SPAG16: variants seen among roughly 807,000 people sequenced by gnomAD.
SPAG16 encodes the protein sperm-associated antigen 16 protein.
Under a neutral mutation model 80.4 loss-of-function variants are expected in SPAG16, and 86 were observed. The ratio of observed to expected loss-of-function variants is 1.07; its 90% CI spans 0.90 to 1.28. SPAG16 has a LOEUF of 1.28. Among genes scored for constraint, SPAG16 ranks in the 50% most tolerant of loss-of-function variants. The pLI, the probability that SPAG16 is intolerant of heterozygous loss-of-function variation, is 0.00. For synonymous variants in SPAG16, 294 were observed against 265.9 expected, an observed-to-expected ratio of 1.11 and a Z score of -1.03; for missense variants, 870 against 765.3, an observed-to-expected ratio of 1.14 and a Z score of -1.61.
chr2:214,185,412 C>CA (rs1464943412), intron 15 of SPAG16, among the ~76,000 whole-genome samples: 5 of 151,558 alleles, frequency 3.3e-5, no homozygotes, highest in African/African-American at 1.2e-4. Flanking sequence ...TAATTTGGAC[C>CA]AAAATAAGAA....
At chr2:213,646,090 G>A (rs1202131360) in intron 10 of SPAG16, among the ~76,000 whole-genome samples, 2 of 152,194 alleles carry the variant, frequency 1.3e-5, no homozygotes, top group Non-Finnish European at 2.9e-5. Flanking sequence ...TCTGCCTAGA[G>A]ATGCTCTGGG....
intron 15 of SPAG16, among the ~76,000 whole-genome samples, chr2:214,273,810 C>A (rs972409872): frequency 6.6e-6 from 1 of 152,052 alleles, no homozygotes; most frequent in South Asian, 2.1e-4. Context: ...AAATTTAAAG[C>A]AGTTTTTTCC....
chr2:213,648,508 C>A (rs906061249), intron 10 of SPAG16, among the ~76,000 whole-genome samples: 1 of 152,068 alleles, frequency 6.6e-6, no homozygotes, highest in Admixed American at 6.6e-5. Flanking sequence ...TATACAAATT[C>A]ATTGTAAAAC....
chr2:214,073,451 G>C lies in SPAG16; in HGVS notation c.1528-34745G>C, dbSNP rs533492970. On this transcript the variant is annotated intron_variant, in intron 13 of 15. Coordinates refer to ENST00000331683, the MANE Select transcript of SPAG16 (RefSeq NM_024532.5). Reference sequence around the variant, plus strand: ...GGGGTTTCACCATGTTGGCCAGGATGGTCTCGATCTCCTGAGCTCATGATT... The same window carrying C: ...GGGGTTTCACCATGTTGGCCAGGATCGTCTCGATCTCCTGAGCTCATGATT... Among the ~76,000 whole-genome samples, 4 of 151,990 alleles carry C rather than the reference G, an allele frequency of 2.6e-5. No homozygotes were observed. The South Asian group carries it at 8.3e-4, about 32-fold the overall frequency.
chr2:213,406,197 T>C (rs1212372265), intron 9 of SPAG16, among the ~76,000 whole-genome samples: 1 of 152,216 alleles, frequency 6.6e-6, no homozygotes, highest in Non-Finnish European at 1.5e-5. Flanking sequence ...AGCTTTGTAG[T>C]AGAAGAAATG....
intron 5 of SPAG16, among the ~76,000 whole-genome samples, chr2:213,325,831 A>G (rs1406427062): frequency 6.6e-6 from 1 of 151,950 alleles, no homozygotes. Flanking sequence ...TCAGTTCCAT[A>G]TAATAGAGAC....
At position 214,377,685 on chromosome 2, in the gene SPAG16, T is replaced by A. The variant is rs150199287; in HGVS notation, c.1721-32455T>A. Among the ~76,000 whole-genome samples, 121 of 152,238 alleles carry A rather than the reference T, an allele frequency of 7.9e-4. 3 individuals are homozygous for A. The South Asian group carries it at 0.014, about 18-fold the overall frequency. ...GGTAGTCAAAAGTTAAGTGTGGAAT[T>A]TTCAACTGTATGGGGTCAGCACCCC... is the stretch of plus-strand genomic sequence containing the variant. On this transcript the variant is annotated intron_variant, in intron 15 of 15. Coordinates refer to ENST00000331683, the MANE Select transcript of SPAG16 (RefSeq NM_024532.5).
chr2:214,274,553 A>G (rs1286611557), intron 15 of SPAG16, among the ~76,000 whole-genome samples: 1 of 152,142 alleles, frequency 6.6e-6, no homozygotes, highest in Non-Finnish European at 1.5e-5. Flanking sequence ...TATTGAGGTA[A>G]TCATATGGTT....
chr2:213,834,260 C>G (rs1049491154), intron 10 of SPAG16, among the ~76,000 whole-genome samples: 1 of 152,074 alleles, frequency 6.6e-6, no homozygotes, highest in African/African-American at 2.4e-5. Context: ...CAGACTAATA[C>G]AACAGTTTAG....
intron 9 of SPAG16, among the ~76,000 whole-genome samples, chr2:213,446,935 G>A (rs917823211): frequency 6.6e-5 from 10 of 152,100 alleles, no homozygotes; most frequent in African/African-American, 2.4e-4. Context: ...TTTGGTCTCC[G>A]GCCTCTCCCT....
chr2:214,118,211 A>G (rs1308415450), intron 14 of SPAG16, among the ~76,000 whole-genome samples: 2 of 152,216 alleles, frequency 1.3e-5, no homozygotes, highest in Admixed American at 6.5e-5. Flanking sequence ...AAACTCTCCA[A>G]AAAAGATATG....
Position 213,996,565 on chromosome 2 carries a change from CT to C in SPAG16, c.1401-17365del, listed in dbSNP as rs57100155. 7.9e-3 allele frequency among the ~76,000 whole-genome samples: 921 copies of C among 116,972 alleles called. 3 individuals are homozygous for C. Among genetic ancestry groups the C allele is most frequent in the African/African-American group, 0.024 (726 of 30,002 alleles). 76.7% of individuals were successfully genotyped at this position (116,972 alleles called of 152,430 possible). A position where few individuals can be genotyped will look rare whatever the true frequency, so the allele number is the denominator to read the frequency against. ...AGGAAGCTCTCCTACTAATGCTATT[CT>C]TTTTTTTTTTTTTTTTTTTTGAGAT... On this transcript the variant is annotated intron_variant, in intron 12 of 15. Transcript: ENST00000331683.
At chr2:214,213,115 T>C (rs1009554328) in intron 15 of SPAG16, among the ~76,000 whole-genome samples, 1 of 152,226 alleles carries the variant, frequency 6.6e-6, no homozygotes, top group Non-Finnish European at 1.5e-5. Flanking sequence ...CCTTCCAGAT[T>C]TGCAAATCAT....
chr2:213,576,944 C>G (rs900069847), intron 10 of SPAG16, among the ~76,000 whole-genome samples: 9 of 152,042 alleles, frequency 5.9e-5, no homozygotes, highest in Non-Finnish European at 2.9e-5. Context: ...CCCCATTACA[C>G]AAGTTTACAT....
intron 12 of SPAG16, among the ~76,000 whole-genome samples, chr2:213,946,221 TCTC>T (rs1182098474): frequency 1.3e-5 from 2 of 152,116 alleles, no homozygotes; most frequent in African/African-American, 2.4e-5. Context: ...TTCAAGCAAT[TCTC>T]CTGCATCAGC....
chr2:213,528,566 A>T (rs1182263789), intron 10 of SPAG16, among the ~76,000 whole-genome samples: 1 of 152,156 alleles, frequency 6.6e-6, no homozygotes, highest in South Asian at 2.1e-4. Flanking sequence ...TTATACGTGT[A>T]AAACCAGAAG....
chr2:214,113,508 T>C (rs1289621586), intron 14 of SPAG16, among the ~76,000 whole-genome samples: 1 of 152,226 alleles, frequency 6.6e-6, no homozygotes, highest in African/African-American at 2.4e-5. Flanking sequence ...GTTTGGAGAC[T>C]TTGTTCGTTT....
intron 14 of SPAG16, among the ~76,000 whole-genome samples, chr2:214,137,625 T>C (rs1170017011): frequency 6.6e-6 from 1 of 152,142 alleles, no homozygotes; most frequent in Non-Finnish European, 1.5e-5. Flanking sequence ...TAAAATGTAA[T>C]ACAGTGGATA....
At chr2:214,206,738 A>G (rs1160436753) in intron 15 of SPAG16, among the ~76,000 whole-genome samples, 3 of 152,122 alleles carry the variant, frequency 2.0e-5, no homozygotes, top group Non-Finnish European at 2.9e-5. Flanking sequence ...ATTCCTACCA[A>G]AGGTGTATGA....
Sources: gnomAD v4.1 joint callset for allele counts (sites outside exome capture counted in the v4.1 genomes callset) on GRCh38, gnomAD v4.1.1 for gene constraint, MANE v1.5 for transcripts, NCBI Gene and HGNC (gene_info 2026-07-23, HGNC 2026-07-21) for gene names.